Variants in CLASP2 observed in about 807,000 individuals in gnomAD.
CLASP2 encodes CLIP-associating protein 2.
In CLASP2, 47 loss-of-function variants were observed where a neutral mutation model predicts 194.4. That is an observed-to-expected ratio of 0.24 (90% CI 0.19 to 0.31). The LOEUF is 0.31. CLASP2 is among the 10% of genes least tolerant of loss of function. The pLI is 1.00. For missense variants in CLASP2, 1,445 were observed against 1,823.6 expected (o/e 0.79, Z 3.78); for synonymous variants, 619 against 633.5 (o/e 0.98, Z 0.34).
chr3:33,717,704 A>T, intron 1 of CLASP2, 104 bp downstream of exon 1: 4 of 1,238,384 alleles, frequency 3.2e-6, no homozygotes, highest in South Asian at 1.4e-5. Flanking sequence ...TTCCCCTCTT[A>T]AGCAGTGGTT....
intron 27 of CLASP2, among the ~76,000 whole-genome samples, chr3:33,564,457 C>G (rs1480977445): frequency 6.6e-6 from 1 of 152,132 alleles, no homozygotes; most frequent in Admixed American, 6.5e-5. Flanking sequence ...ATCTGAGATG[C>G]CATTTTCTTC....
chr3:33,588,875 A>G (rs2068018190), intron 21 of CLASP2: 1 of 599,508 alleles, frequency 1.7e-6, no homozygotes, highest in South Asian at 2.1e-5. Flanking sequence ...AAAAAAAGCA[A>G]ACTTTAAAAA....
At chr3:33,712,542 A>G (rs1013082187) in intron 1 of CLASP2, among the ~76,000 whole-genome samples, 1 of 152,184 alleles carries the variant, frequency 6.6e-6, no homozygotes, top group Non-Finnish European at 1.5e-5. Flanking sequence ...GGATGTAAGG[A>G]TATGATTAAT....
rs568243876 is a variant in CLASP2, at chr3:33,517,248, T to C, written c.3788-74A>G. On this transcript the variant is annotated intron_variant, in intron 34 of 38. Transcript: ENST00000682230. ...CACAAGTATGGGGATAACAACTTTA[T>C]ATGATGAAACACAGATATAACCATC... is the stretch of plus-strand genomic sequence containing the variant. 96 of 1,137,838 alleles carry C rather than the reference T, an allele frequency of 8.4e-5. No individual in the cohort carries two copies. The East Asian group carries it at 2.1e-3, about 24-fold the overall frequency. 70.5% of individuals were successfully genotyped at this position (1,137,838 alleles called of 1,614,324 possible).
rs1395057966 is a variant in CLASP2 at position 33,606,617 on chromosome 3, G to A, written c.1668C>T (p.Ser556=). The A allele has an allele frequency of 2.5e-6, 4 of 1,613,674 alleles. No homozygotes were observed. The highest frequency in any genetic ancestry group is 1.7e-4 in the Middle Eastern group (1 of 6,060). ...SVASLPQSDR[S]SSSSQESLNR... ...TGAGACTTTCCTGTGAGCTGGATGAGGACCTGTCTGATTGTGGAAGAGATG... is the reference window on the plus strand; with the variant it reads ...TGAGACTTTCCTGTGAGCTGGATGAAGACCTGTCTGATTGTGGAAGAGATG... Residue 556 remains serine, a synonymous_variant, in exon 16 of 39, where the codon TCC becomes TCT. Coordinates refer to ENST00000682230, the MANE Select transcript of CLASP2 (RefSeq NM_001365631.1).
chr3:33,573,030 C>T, intron 25 of CLASP2, 80 bp downstream of exon 25: 1 of 1,508,016 alleles, frequency 6.6e-7, no homozygotes, highest in African/African-American at 1.4e-5. Flanking sequence ...ACACCAGTAT[C>T]TCTAAAGTGT....
At chr3:33,676,055 A>T (rs1213168282) in intron 6 of CLASP2, among the ~76,000 whole-genome samples, 1 of 152,040 alleles carries the variant, frequency 6.6e-6, no homozygotes, top group Non-Finnish European at 1.5e-5. Flanking sequence ...GCTACCAATG[A>T]CTTTCTTCAC....
At chr3:33,543,932 T>C (rs2154147568) in intron 31 of CLASP2, among the ~76,000 whole-genome samples, 3 of 152,314 alleles carry the variant, frequency 2.0e-5, no homozygotes, top group African/African-American at 7.2e-5. Context: ...TATTAATATG[T>C]CTATTCTTAA....
At chr3:33,569,179 G>C (rs2063313761) in intron 26 of CLASP2, among the ~76,000 whole-genome samples, 1 of 152,180 alleles carries the variant, frequency 6.6e-6, no homozygotes, top group Non-Finnish European at 1.5e-5. Flanking sequence ...CCTGTATTAA[G>C]AGAGGCCAAA....
intron 6 of CLASP2, among the ~76,000 whole-genome samples, chr3:33,679,679 T>C (rs2089459159): frequency 6.6e-6 from 1 of 152,128 alleles, no homozygotes; most frequent in South Asian, 2.1e-4. Flanking sequence ...AATTAAAACA[T>C]GATACCACTA....
At chr3:33,505,484 G>C (rs773194025) in intron 37 of CLASP2, 6 of 152,160 alleles carry the variant, frequency 3.9e-5, no homozygotes, top group Non-Finnish European at 8.8e-5. Context: ...TTAACTCAAG[G>C]AGTGATGCAC....
intron 34 of CLASP2, among the ~76,000 whole-genome samples, chr3:33,532,663 G>C (rs544515066): frequency 6.6e-6 from 1 of 152,274 alleles, no homozygotes; most frequent in South Asian, 2.1e-4. Flanking sequence ...AAATTCTGTG[G>C]TTTAGGGGGA....
rs555351261 is a variant in CLASP2, at chr3:33,550,392, C to CAAAA, written c.3153+856_3153+859dup. Among the ~76,000 whole-genome samples, 65 of 51,554 alleles carry CAAAA rather than the reference C, an allele frequency of 1.3e-3. 1 individual carries two copies. Among genetic ancestry groups the CAAAA allele is most frequent in the African/African-American group, 2.8e-3 (42 of 15,188 alleles). The allele number at this position is 51,554 out of a possible 152,430, so 33.8% of individuals were successfully genotyped here. ...CCTGGGTGAAAAAGCGAGACTGCCT[C>CAAAA]AAAAAAAAAAAAAAAAAAAAAAAGA... On this transcript the variant is annotated intron_variant, in intron 30 of 38. Transcript: ENST00000682230.
chr3:33,687,535 T>A (rs1019677530), intron 4 of CLASP2, among the ~76,000 whole-genome samples: 1 of 152,202 alleles, frequency 6.6e-6, no homozygotes. Context: ...AATTAAAAGA[T>A]CTTTATGCTT....
chr3:33,676,013 G>A (rs1423549057), intron 6 of CLASP2, among the ~76,000 whole-genome samples: 2 of 151,506 alleles, frequency 1.3e-5, no homozygotes, highest in Non-Finnish European at 3.0e-5. Flanking sequence ...ACTGCCCAAG[G>A]TAATTTATAG....
intron 23 of CLASP2, among the ~76,000 whole-genome samples, chr3:33,579,859 A>G (rs148810524): frequency 5.5e-4 from 84 of 151,782 alleles, no homozygotes; most frequent in African/African-American, 2.0e-3. Context: ...CACACACCCA[A>G]CTCCACTTCC....
At chr3:33,599,906 C>T (rs1157319617) in intron 18 of CLASP2, among the ~76,000 whole-genome samples, 1 of 152,048 alleles carries the variant, frequency 6.6e-6, no homozygotes, top group Non-Finnish European at 1.5e-5. Flanking sequence ...AGTAGTGGCA[C>T]TCTCCTTTTT....
chr3:33,570,306 T>G (rs1393939143), intron 26 of CLASP2, among the ~76,000 whole-genome samples: 1 of 152,220 alleles, frequency 6.6e-6, no homozygotes, highest in East Asian at 1.9e-4. Flanking sequence ...TTTGTGTTAA[T>G]GACAATTCTT....
intron 32 of CLASP2, among the ~76,000 whole-genome samples, chr3:33,542,662 TTA>T (rs143138765): frequency 2.0e-5 from 3 of 150,158 alleles, no homozygotes; most frequent in African/African-American, 4.9e-5. Context: ...ATGTAATTCA[TTA>T]TATATGATAC....
Sources: gnomAD v4.1 joint callset for allele counts (sites outside exome capture counted in the v4.1 genomes callset) on GRCh38, gnomAD v4.1.1 for gene constraint, MANE v1.5 for transcripts, NCBI Gene and HGNC (gene_info 2026-07-23, HGNC 2026-07-21) for gene names.